PDE7B: variants seen among roughly 807,000 people sequenced by gnomAD.
PDE7B encodes phosphodiesterase 7B.
In PDE7B, 29 loss-of-function variants were observed where a neutral mutation model predicts 56.2. The ratio of observed to expected loss-of-function variants is 0.52; its 90% CI spans 0.38 to 0.70. The LOEUF (loss-of-function observed/expected upper bound fraction) is 0.70. Ranked by LOEUF, PDE7B falls within the 30% of genes least tolerant of loss-of-function variation. The pLI is 0.00. For missense variants in PDE7B, 490 were observed against 565.0 expected (o/e 0.87, Z 1.35); for synonymous variants, 197 against 196.9 (o/e 1.00, Z 0.00).
intron 2 of PDE7B, among the ~76,000 whole-genome samples, chr6:135,994,644 T>C (rs1036611389): frequency 6.6e-6 from 1 of 152,208 alleles, no homozygotes; most frequent in African/African-American, 2.4e-5. Context: ...ACACTGTCTT[T>C]ATTATATTAG....
At chr6:136,191,369 A>G (rs1779221612) in intron 12 of PDE7B, among the ~76,000 whole-genome samples, 2 of 152,208 alleles carry the variant, frequency 1.3e-5, no homozygotes, top group Admixed American at 1.3e-4. Context: ...AAGGAAATAC[A>G]ATAAAACCTA....
intron 2 of PDE7B, among the ~76,000 whole-genome samples, chr6:135,950,618 C>G (rs971000532): frequency 2.0e-5 from 3 of 152,072 alleles, no homozygotes; most frequent in Non-Finnish European, 4.4e-5. Context: ...GGCTCACTCC[C>G]CTGGAAACCT....
intron 2 of PDE7B, among the ~76,000 whole-genome samples, chr6:136,007,301 T>C (rs1447722137): frequency 6.6e-6 from 1 of 152,180 alleles, no homozygotes; most frequent in African/African-American, 2.4e-5. Flanking sequence ...TGCTGCTGGA[T>C]TCAGTTTGAA....
intron 12 of PDE7B, among the ~76,000 whole-genome samples, chr6:136,189,997 T>TC (rs1203573894): frequency 3.9e-5 from 6 of 152,340 alleles, no homozygotes; most frequent in Non-Finnish European, 8.8e-5. Flanking sequence ...TTTCTTTTTT[T>TC]CGAGTTGGAT....
At chr6:136,139,492 G>A (rs1339281162) in intron 3 of PDE7B, among the ~76,000 whole-genome samples, 1 of 152,160 alleles carries the variant, frequency 6.6e-6, no homozygotes, top group Non-Finnish European at 1.5e-5. Flanking sequence ...CCCGGTAATG[G>A]GATGGCTGGG....
At chr6:136,190,980 T>C (rs1371210797) in intron 12 of PDE7B, among the ~76,000 whole-genome samples, 1 of 150,636 alleles carries the variant, frequency 6.6e-6, no homozygotes, top group Admixed American at 6.6e-5. Context: ...TCTCCATCCC[T>C]TCTCCGCCTG....
chr6:136,054,389 A>G (rs1293893837), intron 2 of PDE7B, among the ~76,000 whole-genome samples: 3 of 151,010 alleles, frequency 2.0e-5, no homozygotes, highest in Non-Finnish European at 4.4e-5. Context: ...ATTGCTGAGG[A>G]CTCTGTTCTG....
intron 2 of PDE7B, among the ~76,000 whole-genome samples, chr6:136,092,082 T>A (rs998853729): frequency 3.3e-5 from 5 of 152,224 alleles, no homozygotes; most frequent in African/African-American, 1.2e-4. Context: ...CTGTCATTAC[T>A]TTATATTGCT....
intron 2 of PDE7B, among the ~76,000 whole-genome samples, chr6:135,987,859 A>G (rs766036903): frequency 1.3e-5 from 2 of 152,178 alleles, no homozygotes; most frequent in Non-Finnish European, 2.9e-5. Flanking sequence ...ACACACATAT[A>G]TAATCACCTC....
At chr6:136,176,437 AAG>A (rs934258492) in intron 9 of PDE7B, among the ~76,000 whole-genome samples, 3 of 152,216 alleles carry the variant, frequency 2.0e-5, no homozygotes, top group Admixed American at 2.0e-4. Flanking sequence ...TAGCATTAAA[AAG>A]ATGACATTTT....
At chr6:136,119,035 G>A (rs1777885600) in intron 3 of PDE7B, among the ~76,000 whole-genome samples, 1 of 152,126 alleles carries the variant, frequency 6.6e-6, no homozygotes, top group Non-Finnish European at 1.5e-5. Context: ...GACAACTGAG[G>A]ATACTTGTAA....
intron 9 of PDE7B, among the ~76,000 whole-genome samples, chr6:136,177,261 G>A (rs1029653215): frequency 3.9e-5 from 6 of 151,980 alleles, no homozygotes; most frequent in African/African-American, 7.2e-5. Context: ...CCAGGAGTTC[G>A]AGACCAGCCT....
chr6:135,897,854 C>T (rs1775930904), intron 1 of PDE7B, among the ~76,000 whole-genome samples: 1 of 152,136 alleles, frequency 6.6e-6, no homozygotes, highest in Non-Finnish European at 1.5e-5. Context: ...GGCCACCAGC[C>T]CTGATTCGGT....
intron 2 of PDE7B, among the ~76,000 whole-genome samples, chr6:136,084,535 T>G (rs892958536): frequency 3.3e-5 from 5 of 152,186 alleles, no homozygotes; most frequent in African/African-American, 1.2e-4. Context: ...ATATGCCACA[T>G]AGTTGGGAAA....
intron 9 of PDE7B, among the ~76,000 whole-genome samples, chr6:136,174,952 G>T (rs1345126427): frequency 6.6e-6 from 1 of 152,122 alleles, no homozygotes; most frequent in Non-Finnish European, 1.5e-5. Flanking sequence ...GATCAAGTGA[G>T]AAGAAGAAAA....
chr6:135,929,752 G>A (rs933559578), intron 1 of PDE7B, among the ~76,000 whole-genome samples: 15 of 152,174 alleles, frequency 9.9e-5, no homozygotes, highest in Non-Finnish European at 1.9e-4. Flanking sequence ...ATGGTGCTAC[G>A]AGGGCGTTTA....
At chr6:135,902,411 G>T (rs1466742577) in intron 1 of PDE7B, among the ~76,000 whole-genome samples, 1 of 147,892 alleles carries the variant, frequency 6.8e-6, no homozygotes, top group Non-Finnish European at 1.5e-5. Context: ...GTTCTTCTTT[G>T]TGCCCTGAGT....
At chr6:136,050,651 G>T (rs1412475096) in intron 2 of PDE7B, among the ~76,000 whole-genome samples, 1 of 152,086 alleles carries the variant, frequency 6.6e-6, no homozygotes, top group Admixed American at 6.5e-5. Context: ...GTGCCCATAA[G>T]CTACTGAGGA....
chr6:136,077,759 C>T (rs1583868582), intron 2 of PDE7B, among the ~76,000 whole-genome samples: 2 of 152,206 alleles, frequency 1.3e-5, no homozygotes, highest in African/African-American at 4.8e-5. Flanking sequence ...TAAAAGGGTT[C>T]TATCAACCCT....
Sources: gnomAD v4.1 joint callset for allele counts (sites outside exome capture counted in the v4.1 genomes callset) on GRCh38, gnomAD v4.1.1 for gene constraint, MANE v1.5 for transcripts, NCBI Gene and HGNC (gene_info 2026-07-23, HGNC 2026-07-21) for gene names.